Variants in NPC1L1 observed in about 807,000 individuals in gnomAD.
NPC1L1 encodes NPC1 like intracellular cholesterol transporter 1, also known as NPC1-like intracellular cholesterol transporter 1.
NPC1L1 carries 98 observed loss-of-function variants against 117.0 expected under a neutral mutation model. That is an observed-to-expected ratio of 0.84 (90% CI 0.71 to 0.99). The LOEUF (loss-of-function observed/expected upper bound fraction) is 0.99. NPC1L1 is among the 50% of genes least tolerant of loss of function. The pLI is 0.00. For missense variants in NPC1L1, 1,540 were observed against 1,710.0 expected (o/e 0.90, Z 1.75); for synonymous variants, 729 against 727.6 (o/e 1.00, Z -0.03).
chr7:44,535,195 A>G (rs1434336510), intron 5 of NPC1L1, among the ~76,000 whole-genome samples: 1 of 152,090 alleles, frequency 6.6e-6, no homozygotes, highest in African/African-American at 2.4e-5. Flanking sequence ...GAGAAACCCC[A>G]TCTCTACTAA....
Position 44,532,101 on chromosome 7 carries a change from G to A in NPC1L1, c.2526C>T (p.His842=). The A allele has an allele frequency of 6.2e-7, 1 of 1,614,208 alleles. No homozygotes were observed. The highest frequency in any genetic ancestry group is 8.5e-7 in the Non-Finnish European group (1 of 1,180,048). The part of the protein sequence containing the change: ...FQKAYAPFLL[H]WITRGVVLLL... ...TCACCACAACACCTCGAGTGATCCA[G>A]TGCAGCAGGAAGGGGGCATAAGCCT... Residue 842 remains histidine, a synonymous_variant, in exon 9 of 19, where the codon CAC becomes CAT. Transcript: ENST00000381160.
At position 44,539,904 on chromosome 7, in the gene NPC1L1, C is replaced by T. The variant is rs774991823; in HGVS notation, c.493G>A (p.Ala165Thr). ...AYEAFYQHSF[A>T]EQSYDSCSRV... ...CTGCAGGAGTCATAGCTCTGCTCGGCAAAGCTATGCTGGTAGAAGGCCTCA... is the reference window on the plus strand; with the variant it reads ...CTGCAGGAGTCATAGCTCTGCTCGGTAAAGCTATGCTGGTAGAAGGCCTCA... The change falls in exon 2 of 19, where the codon GCC becomes ACC. Residue 165 changes from alanine (A) to threonine (T), a missense_variant. Coordinates refer to ENST00000381160, the MANE Select transcript of NPC1L1 (RefSeq NM_001101648.2). This position sits in a 1 kb window ranked among gnomAD's most constrained non-coding sequence, Gnocchi z 4.4. The T allele has an allele frequency of 1.2e-6, 2 of 1,614,176 alleles. No homozygotes were observed. The highest frequency in any genetic ancestry group is 1.7e-6 in the Non-Finnish European group (2 of 1,180,048).
chr7:44,522,847 C>T (rs1801402974), intron 10 of NPC1L1, among the ~76,000 whole-genome samples: 1 of 151,308 alleles, frequency 6.6e-6, no homozygotes, highest in African/African-American at 2.4e-5. Flanking sequence ...CACCGTCTAA[C>T]AAGCTGGCCT....
chr7:44,521,013 G>A lies in NPC1L1; in HGVS notation c.3059C>T (p.Pro1020Leu). Residue 1020 changes from proline (P) to leucine (L), a missense_variant, in exon 13 of 19, where the codon CCC becomes CTC. Coordinates refer to ENST00000381160, the MANE Select transcript of NPC1L1 (RefSeq NM_001101648.2). ...TTACCCTTTGGGACATTTGATGTTGGGCCGGTCGTTCAGGAACCAGGGAAG... is the reference window on the plus strand; with the variant it reads ...TTACCCTTTGGGACATTTGATGTTGAGCCGGTCGTTCAGGAACCAGGGAAG... ...KYLPWFLNDRPNIKCPKGGLA... is the reference protein window; with the variant it reads ...KYLPWFLNDRLNIKCPKGGLA... 1.9e-6 allele frequency: 3 copies of A among 1,614,142 alleles called. No individual in the cohort carries two copies. The highest frequency in any genetic ancestry group is 2.5e-6 in the Non-Finnish European group (3 of 1,180,030).
At position 44,532,079 on chromosome 7, in the gene NPC1L1, C is replaced by T; in HGVS notation, c.2547+1G>A. The T allele has an allele frequency of 1.2e-6, 2 of 1,614,204 alleles. No homozygotes were observed. The highest frequency in any genetic ancestry group is 1.7e-6 in the Non-Finnish European group (2 of 1,180,028). ...TCTCGTGTGGTTCGAGGCCCACTCA[C>T]CACAACACCTCGAGTGATCCAGTGC... On this transcript the variant is annotated splice_donor_variant, in intron 9 of 18. Coordinates refer to ENST00000381160, the MANE Select transcript of NPC1L1 (RefSeq NM_001101648.2). LOFTEE classifies it high-confidence loss of function.
At chr7:44,540,707 C>T (rs918205257) in intron 1 of NPC1L1, among the ~76,000 whole-genome samples, 2 of 152,006 alleles carry the variant, frequency 1.3e-5, no homozygotes, top group South Asian at 2.1e-4. Context: ...CATGGAGAGT[C>T]TGTTCAGGAG....
Position 44,532,235 on chromosome 7 carries a change from C to T in NPC1L1, c.2410-18G>A, listed in dbSNP as rs1410535565. The T allele has an allele frequency of 6.2e-7, 1 of 1,612,898 alleles. No individual in the cohort carries two copies. Among genetic ancestry groups the T allele is most frequent in the Non-Finnish European group, 8.5e-7 (1 of 1,179,872 alleles). On this transcript the variant is annotated intron_variant, in intron 8 of 18. Transcript: ENST00000381160. ...CGGGAGGCCTGGAGTGGGAGGCACC[C>T]CCTCAAGGTAGTCCCAGAGCAGACA... is the stretch of plus-strand genomic sequence containing the variant.
Position 44,538,736 on chromosome 7 carries a change from C to A in NPC1L1, c.1580+81G>T. The A allele has an allele frequency of 7.1e-7, 1 of 1,416,576 alleles. No homozygotes were observed. Among genetic ancestry groups the A allele is most frequent in the Non-Finnish European group, 9.9e-7 (1 of 1,005,992 alleles). 87.8% of individuals were successfully genotyped at this position (1,416,576 alleles called of 1,614,324 possible). ...CTGGTCCTTCAGGACCAGCTGTATG[C>A]CCGGCCAGGTTCCCAGGAGGCCATG... On this transcript the variant is annotated intron_variant, in intron 2 of 18. Coordinates refer to ENST00000381160, the MANE Select transcript of NPC1L1 (RefSeq NM_001101648.2). The surrounding 1 kb of genome is among the most constrained non-coding windows in gnomAD (Gnocchi z 5.9).
chr7:44,515,783 G>C lies in NPC1L1; in HGVS notation c.3796+20C>G, dbSNP rs1801163871. Reference sequence around the variant, plus strand: ...CAGCATAATCATGACAGTCTGGTAGGAACAGGCCTGGGCACTCACCCACGT... The same window carrying C: ...CAGCATAATCATGACAGTCTGGTAGCAACAGGCCTGGGCACTCACCCACGT... On this transcript the variant is annotated intron_variant, in intron 18 of 18. Transcript: ENST00000381160. 6.2e-7 allele frequency: 1 copy of C among 1,614,020 alleles called. No individual in the cohort carries two copies.
chr7:44,536,597 A>T lies in NPC1L1; in HGVS notation c.1682-169T>A, dbSNP rs555036459. 4.2e-5 allele frequency among the ~76,000 whole-genome samples: 6 copies of T among 142,118 alleles called. No homozygotes were observed. In the South Asian group the frequency reaches 8.8e-4, roughly 21 times the overall value. The allele number at this position is 142,118 out of a possible 152,430, so 93.2% of individuals were successfully genotyped here. ...TACATGGCCTTACCTCCTACACCCC[A>T]CTTCTCTCAGCCAAAGGCGAGACCT... is the stretch of plus-strand genomic sequence containing the variant. On this transcript the variant is annotated intron_variant, in intron 3 of 18. Transcript: ENST00000381160. The surrounding 1 kb of genome is among the most constrained non-coding windows in gnomAD (Gnocchi z 4.7).
At chr7:44,520,936 C>T in intron 13 of NPC1L1, 56 bp downstream of exon 13, 2 of 1,614,078 alleles carry the variant, frequency 1.2e-6, no homozygotes, top group Admixed American at 1.7e-5. Flanking sequence ...TATATTCAAC[C>T]CCATCCTGTG....
chr7:44,515,145 A>C (rs968031430), intron 18 of NPC1L1, among the ~76,000 whole-genome samples: 3 of 152,194 alleles, frequency 2.0e-5, no homozygotes, highest in Non-Finnish European at 4.4e-5. Context: ...ACTTGAGCTC[A>C]GGAGTTTGAG....
At chr7:44,516,975 G>C (rs766445118) in intron 15 of NPC1L1, 41 bp from the exon 16 acceptor site, 1 of 1,578,904 alleles carries the variant, frequency 6.3e-7, no homozygotes, top group Non-Finnish European at 8.7e-7. Flanking sequence ...CAGGCCTCTG[G>C]GGCCCTCATG....
chr7:44,538,962 T>C lies in NPC1L1; in HGVS notation c.1435A>G (p.Asn479Asp). The change falls in exon 2 of 19, where the codon AAT (asparagine) becomes GAT (aspartate). Residue 479 changes from asparagine (N) to aspartate (D), a missense_variant. Around this residue, in one of 3 missense-constraint regions of NPC1L1, gnomAD observed 793 missense variants for 820.4 expected, o/e 0.97. Coordinates refer to ENST00000381160, the MANE Select transcript of NPC1L1 (RefSeq NM_001101648.2). This position sits in a 1 kb window ranked among gnomAD's most constrained non-coding sequence, Gnocchi z 5.9. ...DICYAPLNPDNTSLYDCCINS... is the reference protein window; with the variant it reads ...DICYAPLNPDDTSLYDCCINS... ...ATGCAGCAGTCGTAGAGACTGGTAT[T>C]GTCCGGATTGAGGGGGGCGTAGCAG... The C allele has an allele frequency of 6.2e-7, 1 of 1,614,158 alleles. No homozygotes were observed. The highest frequency in any genetic ancestry group is 8.5e-7 in the Non-Finnish European group (1 of 1,180,016).
At chr7:44,518,912 G>A (rs1186922828) in intron 14 of NPC1L1, among the ~76,000 whole-genome samples, 11 of 151,502 alleles carry the variant, frequency 7.3e-5, no homozygotes, top group Admixed American at 6.6e-4. Flanking sequence ...TTGGGTGAGG[G>A]CTGAGAACTT....
At chr7:44,530,479 T>C (rs1190177212) in intron 10 of NPC1L1, among the ~76,000 whole-genome samples, 2 of 152,180 alleles carry the variant, frequency 1.3e-5, no homozygotes, top group African/African-American at 2.4e-5. Flanking sequence ...AGTTGAATAG[T>C]ATGAGTGTAC....
chr7:44,521,898 G>A (rs1033336450), intron 11 of NPC1L1, 62 bp from the exon 12 acceptor site: 17 of 1,610,942 alleles, frequency 1.1e-5, no homozygotes, highest in East Asian at 6.7e-5. Context: ...GGTCCTTCTC[G>A]TGGCCCAACC....
At chr7:44,518,274 A>G (rs1017803604) in intron 14 of NPC1L1, among the ~76,000 whole-genome samples, 7 of 150,666 alleles carry the variant, frequency 4.6e-5, no homozygotes, top group Non-Finnish European at 7.4e-5. Context: ...GGTTCAAGTG[A>G]TTGTCCTGCC....
At position 44,518,551 on chromosome 7, in the gene NPC1L1, C is replaced by T. The variant is rs545766398; in HGVS notation, c.3137-1194G>A. ...GAGCATAGTGGCATGTGCCTGTAATCCCAGCTACTAGGGAGGCTGAGGCAG... is the reference window on the plus strand; with the variant it reads ...GAGCATAGTGGCATGTGCCTGTAATTCCAGCTACTAGGGAGGCTGAGGCAG... On this transcript the variant is annotated intron_variant, in intron 14 of 18. Transcript: ENST00000381160. 5.0e-3 allele frequency: 1,608 copies of T among 320,546 alleles called. 23 individuals carry two copies. The highest frequency in any genetic ancestry group is 0.032 in the African/African-American group (1,485 of 45,776). 19.9% of individuals were successfully genotyped at this position (320,546 alleles called of 1,614,324 possible).
Sources: allele counts gnomAD v4.1 joint callset (sites outside exome capture counted in the v4.1 genomes callset), GRCh38; gene constraint gnomAD v4.1.1; regional missense constraint gnomAD v4.1.1; non-coding constraint Gnocchi (gnomAD v3.1); transcripts MANE v1.5; gene names NCBI Gene and HGNC (gene_info 2026-07-23, HGNC 2026-07-21).